The following EFCAB6 variants were observed in gnomAD, a reference collection of about 807,000 sequenced individuals.
EFCAB6 encodes the protein EF-hand calcium-binding domain-containing protein 6.
In EFCAB6, 156 loss-of-function variants were observed where a neutral mutation model predicts 169.8. That is an observed-to-expected ratio of 0.92 (90% CI 0.81 to 1.05). EFCAB6 has a LOEUF of 1.05. Ranked by LOEUF, EFCAB6 falls within the 50% of genes least tolerant of loss-of-function variation. The pLI, the probability that EFCAB6 is intolerant of heterozygous loss-of-function variation, is 0.00. For synonymous variants in EFCAB6, 698 were observed against 676.4 expected (o/e 1.03, Z -0.50); for missense variants, 1,800 against 1,829.1 (o/e 0.98, Z 0.29).
intron 17 of EFCAB6, among the ~76,000 whole-genome samples, chr22:43,647,963 T>C (rs1279659425): frequency 6.6e-6 from 1 of 152,170 alleles, no homozygotes; most frequent in Admixed American, 6.5e-5. Flanking sequence ...AAAAAATACA[T>C]TTTTATTGTT....
intron 26 of EFCAB6, among the ~76,000 whole-genome samples, chr22:43,568,939 G>A (rs2049633284): frequency 6.6e-6 from 1 of 152,198 alleles, no homozygotes; most frequent in Admixed American, 6.5e-5. Flanking sequence ...GGGGAAGGGG[G>A]CCCATGTGAC....
At chr22:43,600,300 T>C in intron 22 of EFCAB6, 37 bp from the exon 23 acceptor site, 1 of 1,602,654 alleles carries the variant, frequency 6.2e-7, no homozygotes, top group Non-Finnish European at 8.5e-7. Flanking sequence ...CACTTCTCAG[T>C]AGCCAGTAAG....
chr22:43,718,852 G>A (rs1280942776), intron 8 of EFCAB6, among the ~76,000 whole-genome samples: 2 of 152,156 alleles, frequency 1.3e-5, no homozygotes, highest in Admixed American at 1.3e-4. Context: ...ACAGTGGGCT[G>A]AGCATTTGAA....
At position 43,572,453 on chromosome 22, in the gene EFCAB6, T is replaced by C. The variant is rs1219860810; in HGVS notation, c.3420+3844A>G. Among the ~76,000 whole-genome samples the C allele has an allele frequency of 6.6e-6, 1 of 152,196 alleles. No individual in the cohort carries two copies. The highest frequency in any genetic ancestry group is 1.5e-5 in the Non-Finnish European group (1 of 68,034). ...TTTAGGGGTATCTTGCTATAGCTCC[T>C]GAGCAGCCTAAGACAGTCCCCATGT... is the stretch of plus-strand genomic sequence containing the variant. On this transcript the variant is annotated intron_variant, in intron 26 of 31. Coordinates refer to ENST00000262726, the MANE Select transcript of EFCAB6 (RefSeq NM_022785.4). This position sits in a 1 kb window ranked among gnomAD's most constrained non-coding sequence, Gnocchi z 4.0.
chr22:43,793,723 T>C (rs1277683951), intron 2 of EFCAB6, among the ~76,000 whole-genome samples: 2 of 147,136 alleles, frequency 1.4e-5, no homozygotes, highest in African/African-American at 5.0e-5. Context: ...GGGGTACCCA[T>C]CTGGCTAGAG....
chr22:43,586,859 C>G (rs1042279982), intron 24 of EFCAB6, among the ~76,000 whole-genome samples: 1 of 152,064 alleles, frequency 6.6e-6, no homozygotes, highest in African/African-American at 2.4e-5. Flanking sequence ...TTTAATGAGC[C>G]CTTGCAATGG....
chr22:43,802,555 G>A, intron 2 of EFCAB6: 10 of 354,536 alleles, frequency 2.8e-5, no homozygotes, highest in South Asian at 1.9e-4. Context: ...ATAAAACCAA[G>A]ATGAAGGACA....
At chr22:43,786,293 G>A (rs560800015) in intron 2 of EFCAB6, among the ~76,000 whole-genome samples, 1 of 152,102 alleles carries the variant, frequency 6.6e-6, no homozygotes, top group East Asian at 1.9e-4. Context: ...AACTTGGGAG[G>A]TGGATGTTAA....
intron 7 of EFCAB6, among the ~76,000 whole-genome samples, chr22:43,735,529 T>C (rs1057112760): frequency 6.3e-5 from 5 of 79,686 alleles, no homozygotes; most frequent in Middle Eastern, 0.01. Flanking sequence ...ATATGTGGGA[T>C]GGGGGGGCGG....
In EFCAB6 at chr22:43,531,442, T is replaced by TA. The variant is rs527862029; in HGVS notation, c.4234-479dup. ...AGTAAGTTATTATAATGAACAGTGT[T>TA]AAAAAAAATTCACAAGGTTGTAATT... On this transcript the variant is annotated intron_variant, in intron 30 of 31. Transcript: ENST00000262726. 1.4e-4 allele frequency among the ~76,000 whole-genome samples: 21 copies of TA among 152,126 alleles called. No individual in the cohort carries two copies. The South Asian group carries it at 2.7e-3, about 20-fold the overall frequency.
At chr22:43,592,287 G>C (rs1018606350) in intron 23 of EFCAB6, among the ~76,000 whole-genome samples, 1 of 152,160 alleles carries the variant, frequency 6.6e-6, no homozygotes, top group African/African-American at 2.4e-5. Flanking sequence ...ATACAAATGA[G>C]CTGCAGGAAC....
At chr22:43,597,814 T>C (rs1246701246) in intron 23 of EFCAB6, among the ~76,000 whole-genome samples, 1 of 152,112 alleles carries the variant, frequency 6.6e-6, no homozygotes, top group Non-Finnish European at 1.5e-5. Context: ...ATAGCCAAGA[T>C]ATGAAATCAA....
At chr22:43,707,070 C>T (rs1016653693) in intron 10 of EFCAB6, among the ~76,000 whole-genome samples, 1 of 152,138 alleles carries the variant, frequency 6.6e-6, no homozygotes, top group Admixed American at 6.5e-5. Context: ...CAAGCCCAGA[C>T]AGAGCTGTAT....
intron 19 of EFCAB6, among the ~76,000 whole-genome samples, chr22:43,630,475 G>A (rs187421791): frequency 2.0e-5 from 3 of 152,348 alleles, no homozygotes; most frequent in Admixed American, 2.0e-4. Flanking sequence ...ACGATGTAGC[G>A]TGGAGCTGGG....
chr22:43,534,187 T>C (rs573832134), intron 30 of EFCAB6, among the ~76,000 whole-genome samples: 12 of 151,650 alleles, frequency 7.9e-5, no homozygotes, highest in South Asian at 2.1e-4. Context: ...ATGGGGGAGG[T>C]TCCCCCTTGC....
At chr22:43,697,021 G>A (rs1208538690) in intron 10 of EFCAB6, among the ~76,000 whole-genome samples, 2 of 152,114 alleles carry the variant, frequency 1.3e-5, no homozygotes, top group Non-Finnish European at 2.9e-5. Flanking sequence ...GGAAGTACAG[G>A]AAACTTTCAA....
chr22:43,712,174 T>C lies in EFCAB6; in HGVS notation c.883-551A>G, dbSNP rs985611109. On this transcript the variant is annotated intron_variant, in intron 9 of 31. Coordinates refer to ENST00000262726, the MANE Select transcript of EFCAB6 (RefSeq NM_022785.4). ...AACCTGGGTGAACGAGCTTTGCTTATGGGGCTTCTAAAATGCAGTAACATA... is the reference window on the plus strand; with the variant it reads ...AACCTGGGTGAACGAGCTTTGCTTACGGGGCTTCTAAAATGCAGTAACATA... 2.0e-5 allele frequency among the ~76,000 whole-genome samples: 3 copies of C among 152,316 alleles called. No individual in the cohort carries two copies. The East Asian group carries it at 5.8e-4, about 29-fold the overall frequency.
At chr22:43,586,958 T>C (rs77708194) in intron 24 of EFCAB6, among the ~76,000 whole-genome samples, 1,741 of 152,258 alleles carry the variant, frequency 0.011, 20 homozygotes, top group Non-Finnish European at 0.017. Flanking sequence ...GGAGCATCTA[T>C]GGATAATGGG....
intron 6 of EFCAB6, among the ~76,000 whole-genome samples, chr22:43,740,072 C>T (rs1244246064): frequency 6.6e-6 from 1 of 152,132 alleles, no homozygotes; most frequent in Non-Finnish European, 1.5e-5. Context: ...CTCAGCCCCT[C>T]CCGCCTCAAG....
Sources: allele counts gnomAD v4.1 joint callset (sites outside exome capture counted in the v4.1 genomes callset), GRCh38; gene constraint gnomAD v4.1.1; non-coding constraint Gnocchi (gnomAD v3.1); transcripts MANE v1.5; gene names NCBI Gene and HGNC (gene_info 2026-07-23, HGNC 2026-07-21).